The following EMP1 variants were observed in gnomAD, a reference collection of about 807,000 sequenced individuals.
EMP1 encodes the protein tumor-associated membrane protein.
In EMP1, 5 loss-of-function variants were observed where a neutral mutation model predicts 15.7. The ratio of observed to expected loss-of-function variants is 0.32; its 90% CI spans 0.17 to 0.67. The LOEUF is 0.67. Ranked by LOEUF, EMP1 falls within the 30% of genes least tolerant of loss-of-function variation. The pLI, the probability that EMP1 is intolerant of heterozygous loss-of-function variation, is 0.74. For missense variants in EMP1, 166 were observed against 194.2 expected (o/e 0.85, Z 0.86); for synonymous variants, 78 against 76.7 (o/e 1.02, Z -0.09).
chr12:13,197,900 A>G (rs1021466422), intron 1 of EMP1, among the ~76,000 whole-genome samples: 1 of 152,214 alleles, frequency 6.6e-6, no homozygotes. Flanking sequence ...GCAGGAGCTG[A>G]TGAGGATTCC....
Position 13,213,693 on chromosome 12 carries a change from C to T in EMP1, c.188C>T (p.Thr63Ile). Residue 63 changes from threonine (T) to isoleucine (I), a missense_variant, in exon 4 of 5, where the codon ACA becomes ATA. By Grantham distance (89) the Thr-to-Ile change is moderately conservative (BLOSUM62 -1). Transcript: ENST00000256951. Reference sequence around the variant, plus strand: ...CCTGTGTCTACAGATGCCCTCAAGACAGTGCAGGCCTTCATGATTCTCTCT... The same window carrying T: ...CCTGTGTCTACAGATGCCCTCAAGATAGTGCAGGCCTTCATGATTCTCTCT... The part of the protein sequence containing the change: ...LSYASEDALK[T>I]VQAFMILSII... 1 of 1,614,182 alleles carries T rather than the reference C, an allele frequency of 6.2e-7. No homozygotes were observed. Among genetic ancestry groups the T allele is most frequent in the South Asian group, 1.1e-5 (1 of 91,080 alleles).
At chr12:13,212,317 G>GA (rs35446380) in intron 2 of EMP1, among the ~76,000 whole-genome samples, 1 of 152,116 alleles carries the variant, frequency 6.6e-6, no homozygotes, top group Admixed American at 6.5e-5. Flanking sequence ...GCTTTTCTCA[G>GA]AAAAAAGCCA....
rs552060427 is a variant in EMP1, at chr12:13,207,268, C to T, written c.-42-4201C>T. On this transcript the variant is annotated intron_variant, in intron 1 of 4. Transcript: ENST00000256951. The stretch of plus-strand genomic sequence containing the variant: ...CTGGGACTACAGGTGTGCACCACCA[C>T]GCCCGGCTAATTTCTTGTATTTTTA... Among the ~76,000 whole-genome samples the T allele has an allele frequency of 5.3e-5, 8 of 152,254 alleles. No homozygotes were observed. The South Asian group carries it at 6.2e-4, about 12-fold the overall frequency.
chr12:13,202,384 G>C (rs1002489071), intron 1 of EMP1, among the ~76,000 whole-genome samples: 2 of 152,196 alleles, frequency 1.3e-5, no homozygotes, highest in Admixed American at 1.3e-4. Context: ...TCAGAGCTGA[G>C]AGCAAAACGG....
chr12:13,202,974 G>C (rs534471325), intron 1 of EMP1, among the ~76,000 whole-genome samples: 236 of 152,226 alleles, frequency 1.6e-3, no homozygotes, highest in Non-Finnish European at 2.6e-3. Context: ...CTTTGGGGAC[G>C]TGCATTTCCT....
chr12:13,204,662 T>G (rs1864095492), intron 1 of EMP1, among the ~76,000 whole-genome samples: 1 of 152,196 alleles, frequency 6.6e-6, no homozygotes, highest in Non-Finnish European at 1.5e-5. Context: ...GTCTGACTCA[T>G]GGGGGTCAGT....
In EMP1 at chr12:13,211,866, A is replaced by C; in HGVS notation, c.78+278A>C. 2.3e-6 allele frequency: 1 copy of C among 429,174 alleles called. No individual in the cohort carries two copies. The highest frequency in any genetic ancestry group is 4.2e-6 in the Non-Finnish European group (1 of 238,786). The allele number at this position is 429,174 out of a possible 1,614,324, so 26.6% of individuals were successfully genotyped here. A position where few individuals can be genotyped will look rare whatever the true frequency, so the allele number is the denominator to read the frequency against. On this transcript the variant is annotated intron_variant, in intron 2 of 4. Transcript: ENST00000256951. The surrounding 1 kb of genome is among the most constrained non-coding windows in gnomAD (Gnocchi z 4.7). ...TCTCTAGAAGAGCCTTCCCAGCAGC[A>C]GGGGTGAGTGGAGCTTGAGGTGAAC...
intron 3 of EMP1, 48 bp from the exon 4 acceptor site, chr12:13,213,633 C>T: frequency 6.2e-7 from 1 of 1,613,934 alleles, no homozygotes; most frequent in Non-Finnish European, 8.5e-7. Flanking sequence ...GAATGTTCAG[C>T]CCCTGGAGTG....
At chr12:13,206,611 A>G (rs1322073570) in intron 1 of EMP1, among the ~76,000 whole-genome samples, 2 of 152,196 alleles carry the variant, frequency 1.3e-5, no homozygotes, top group Non-Finnish European at 2.9e-5. Flanking sequence ...TCACTCTTAA[A>G]GAATTGCTGC....
chr12:13,198,946 T>C (rs7299639), intron 1 of EMP1, among the ~76,000 whole-genome samples: 37,253 of 135,380 alleles, frequency 0.28, 5,080 homozygotes, highest in East Asian at 0.57. Context: ...GGGTTATTTT[T>C]CCCCCCCACT....
chr12:13,213,766 C>T lies in EMP1; in HGVS notation c.261C>T (p.Phe87=), dbSNP rs1210920696. 2 of 1,614,232 alleles carry T rather than the reference C, an allele frequency of 1.2e-6. No homozygotes were observed. The highest frequency in any genetic ancestry group is 1.1e-5 in the South Asian group (1 of 91,082). ...IALLVFVFQL[F]TMEKGNRFFL... ...TCCTGGTCTTCGTGTTCCAGCTCTT[C>T]ACCATGGAGAAGGGAAACCGGTTCT... The change falls in exon 4 of 5, where the codon TTC becomes TTT. Residue 87 remains phenylalanine (F), a synonymous_variant. Transcript: ENST00000256951.
rs73282995 is a variant in EMP1, at chr12:13,212,379, G to A, written c.78+791G>A. On this transcript the variant is annotated intron_variant, in intron 2 of 4. Transcript: ENST00000256951. ...ACCAATCACTAGGCAGGCAAACCAT[G>A]GTTTCAGAATCTGTTTAGGTCCCTA... 8.2e-3 allele frequency among the ~76,000 whole-genome samples: 1,254 copies of A among 152,290 alleles called. 20 individuals are homozygous for A. Among genetic ancestry groups the A allele is most frequent in the African/African-American group, 0.029 (1,207 of 41,552 alleles).
chr12:13,213,318 A>G (rs1035949858), intron 2 of EMP1, 161 bp from the exon 3 acceptor site: 2 of 669,366 alleles, frequency 3.0e-6, no homozygotes, highest in African/African-American at 3.6e-5. Flanking sequence ...TTCAGTTTTA[A>G]TCGGACCTTA....
rs1256710065 is a variant in EMP1, at chr12:13,215,312, AAGG to A, written c.*624_*626del. On this transcript the variant is annotated 3_prime_UTR_variant, in exon 5 of 5. Transcript: ENST00000256951. The stretch of plus-strand genomic sequence containing the variant: ...ATGCTGGTGGGTTAGCTAAACCAAG[AAGG>A]AGACCTTTTCACAATGGAAAACCTG... The A allele has an allele frequency of 1.3e-5, 2 of 152,640 alleles. No homozygotes were observed. The highest frequency in any genetic ancestry group is 1.3e-4 in the Admixed American group (2 of 15,322). The allele number at this position is 152,640 out of a possible 1,614,324, so 9.5% of individuals were successfully genotyped here. A position where few individuals can be genotyped will look rare whatever the true frequency, so the allele number is the denominator to read the frequency against.
At chr12:13,201,653 C>T (rs980872382) in intron 1 of EMP1, among the ~76,000 whole-genome samples, 2 of 152,190 alleles carry the variant, frequency 1.3e-5, no homozygotes, top group Non-Finnish European at 2.9e-5. Flanking sequence ...GCCCCATCCA[C>T]TCACAGATTC....
In EMP1 at chr12:13,211,759, G is replaced by A. The variant is rs1864166883; in HGVS notation, c.78+171G>A. On this transcript the variant is annotated intron_variant, in intron 2 of 4. Coordinates refer to ENST00000256951, the MANE Select transcript of EMP1 (RefSeq NM_001423.3). The surrounding 1 kb of genome is among the most constrained non-coding windows in gnomAD (Gnocchi z 4.7). Reference sequence around the variant, plus strand: ...CCTTCAAACAATTAAATAACAGGAGGATAAAAGTGAATGTCCACAGGAGTA... The same window carrying A: ...CCTTCAAACAATTAAATAACAGGAGAATAAAAGTGAATGTCCACAGGAGTA... 1.5e-6 allele frequency: 1 copy of A among 685,140 alleles called. No individual in the cohort carries two copies. Among genetic ancestry groups the A allele is most frequent in the Non-Finnish European group, 2.5e-6 (1 of 407,944 alleles). 42.4% of individuals were successfully genotyped at this position (685,140 alleles called of 1,614,324 possible).
At chr12:13,204,724 C>T (rs937061253) in intron 1 of EMP1, among the ~76,000 whole-genome samples, 2 of 152,190 alleles carry the variant, frequency 1.3e-5, no homozygotes, top group African/African-American at 4.8e-5. Context: ...GAGGAAGCAC[C>T]ACGTCTTTGG....
chr12:13,203,424 TGC>T (rs1864083810), intron 1 of EMP1, among the ~76,000 whole-genome samples: 1 of 152,224 alleles, frequency 6.6e-6, no homozygotes, highest in Non-Finnish European at 1.5e-5. Context: ...TTGCAGATGT[TGC>T]CCAGATCCAC....
Position 13,211,782 on chromosome 12 carries a change from G to A in EMP1, c.78+194G>A, listed in dbSNP as rs1195068504. ...AGGATAAAAGTGAATGTCCACAGGAGTAATCCTGCCAGAGCTGTAGGTGGT... is the reference window on the plus strand; with the variant it reads ...AGGATAAAAGTGAATGTCCACAGGAATAATCCTGCCAGAGCTGTAGGTGGT... On this transcript the variant is annotated intron_variant, in intron 2 of 4. Transcript: ENST00000256951. This position sits in a 1 kb window ranked among gnomAD's most constrained non-coding sequence, Gnocchi z 4.7. 1 of 620,892 alleles carries A rather than the reference G, an allele frequency of 1.6e-6. No homozygotes were observed. The allele number at this position is 620,892 out of a possible 1,614,324, so 38.5% of individuals were successfully genotyped here.
Sources: gnomAD v4.1 joint callset for allele counts (sites outside exome capture counted in the v4.1 genomes callset) on GRCh38, gnomAD v4.1.1 for gene constraint, Gnocchi (gnomAD v3.1) non-coding constraint, MANE v1.5 for transcripts, NCBI Gene and HGNC (gene_info 2026-07-23, HGNC 2026-07-21) for gene names.